Variants in FAM83B observed in about 807,000 individuals in gnomAD.
The protein encoded by FAM83B is protein FAM83B.
A neutral mutation model predicts 38.8 loss-of-function variants in FAM83B; 26 were observed. The ratio of observed to expected loss-of-function variants is 0.67; its 90% CI spans 0.49 to 0.93. FAM83B has a LOEUF of 0.93. Among genes scored for constraint, FAM83B ranks in the 40% least tolerant of loss-of-function variants. FAM83B has a pLI of 0.00. For synonymous variants in FAM83B, 419 were observed against 423.1 expected, an observed-to-expected ratio of 0.99 and a Z score of 0.12; for missense variants, 1,237 against 1,197.3, an observed-to-expected ratio of 1.03 and a Z score of -0.49.
chr6:54,917,446 C>T (rs949084565), intron 2 of FAM83B, among the ~76,000 whole-genome samples: 4 of 152,076 alleles, frequency 2.6e-5, no homozygotes, highest in Non-Finnish European at 4.4e-5. Flanking sequence ...TTCCCAATGT[C>T]TTCTTTACAT....
intron 2 of FAM83B, among the ~76,000 whole-genome samples, chr6:54,875,768 G>A (rs913046808): frequency 5.5e-5 from 8 of 145,190 alleles, no homozygotes; most frequent in African/African-American, 1.7e-4. Context: ...AAGAAGGTGG[G>A]AAAGAGACAG....
At chr6:54,938,738 G>C (rs554977893) in intron 4 of FAM83B, among the ~76,000 whole-genome samples, 2 of 152,090 alleles carry the variant, frequency 1.3e-5, no homozygotes, top group African/African-American at 4.8e-5. Context: ...TTGCTGATTT[G>C]AGTTCCTTGT....
intron 2 of FAM83B, among the ~76,000 whole-genome samples, chr6:54,875,222 G>A (rs1771962430): frequency 6.6e-6 from 1 of 152,126 alleles, no homozygotes; most frequent in South Asian, 2.1e-4. Context: ...ATTTTGATAT[G>A]TTATATTCCT....
chr6:54,908,298 T>G (rs1262712237), intron 2 of FAM83B, among the ~76,000 whole-genome samples: 1 of 152,098 alleles, frequency 6.6e-6, no homozygotes, highest in African/African-American at 2.4e-5. Flanking sequence ...CTAAGCAATT[T>G]CTTCCATGAG....
At chr6:54,929,281 GT>G (rs935731757) in intron 4 of FAM83B, among the ~76,000 whole-genome samples, 3 of 152,068 alleles carry the variant, frequency 2.0e-5, no homozygotes, top group African/African-American at 7.2e-5. Flanking sequence ...AACAGCCTTT[GT>G]CCCTCACATT....
At position 54,919,133 on chromosome 6, in the gene FAM83B, T is replaced by TA. The variant is rs201757570; in HGVS notation, c.445-7230dup. On this transcript the variant is annotated intron_variant, in intron 2 of 4. Transcript: ENST00000306858. ...AAGATTATTGAATTGTTGAAATCAG[T>TA]AAAAAAAACTATGGCTTTTCTTTGC... Among the ~76,000 whole-genome samples, 36 of 152,086 alleles carry TA rather than the reference T, an allele frequency of 2.4e-4. No homozygotes were observed. The East Asian group carries it at 4.4e-3, about 19-fold the overall frequency.
intron 2 of FAM83B, among the ~76,000 whole-genome samples, chr6:54,879,912 A>G (rs977109268): frequency 6.6e-6 from 1 of 152,192 alleles, no homozygotes; most frequent in Admixed American, 6.5e-5. Context: ...CAAGGGGAAA[A>G]TATATCTTCA....
intron 4 of FAM83B, among the ~76,000 whole-genome samples, chr6:54,935,973 A>ATAAGT: frequency 6.6e-6 from 1 of 152,240 alleles, no homozygotes; most frequent in Admixed American, 6.5e-5. Context: ...TATGAGTCAT[A>ATAAGT]CATGTGAGGC....
rs113368477 is a variant in FAM83B, at chr6:54,932,067, A to G, written c.734+4435A>G. ...CTTTTGTTGCCCAAGCTGGAGTCCA[A>G]TGACACAATCTCAGCTCATTGCAAC... On this transcript the variant is annotated intron_variant, in intron 4 of 4. Coordinates refer to ENST00000306858, the MANE Select transcript of FAM83B (RefSeq NM_001010872.3). Among the ~76,000 whole-genome samples the G allele has an allele frequency of 2.2e-3, 310 of 141,446 alleles. 3 individuals carry two copies. The highest frequency in any genetic ancestry group is 8.3e-3 in the African/African-American group (294 of 35,548). 92.8% of individuals were successfully genotyped at this position (141,446 alleles called of 152,430 possible).
At position 54,940,203 on chromosome 6, in the gene FAM83B, A is replaced by G; in HGVS notation, c.1232A>G (p.Asn411Ser). The G allele has an allele frequency of 6.2e-7, 1 of 1,614,094 alleles. No individual in the cohort carries two copies. The highest frequency in any genetic ancestry group is 8.5e-7 in the Non-Finnish European group (1 of 1,179,998). ...AATAGGGCTCTGAATAGAACCAATAATCCACCTGGTAATTGGAAAAAGCCA... is the reference window on the plus strand; with the variant it reads ...AATAGGGCTCTGAATAGAACCAATAGTCCACCTGGTAATTGGAAAAAGCCA... ...LLNRALNRTNNPPGNWKKPSD... is the reference protein window; with the variant it reads ...LLNRALNRTNSPPGNWKKPSD... The change falls in exon 5 of 5, where the codon AAT (asparagine) becomes AGT (serine). Residue 411 changes from asparagine (N) to serine (S), a missense_variant. Physicochemically the swap from Asn to Ser is conservative, Grantham distance 46. Coordinates refer to ENST00000306858, the MANE Select transcript of FAM83B (RefSeq NM_001010872.3).
chr6:54,853,350 G>C (rs1285338274), intron 1 of FAM83B, among the ~76,000 whole-genome samples: 1 of 152,144 alleles, frequency 6.6e-6, no homozygotes, highest in African/African-American at 2.4e-5. Context: ...CAGCCTTCTA[G>C]TGGAAGAAGA....
intron 2 of FAM83B, among the ~76,000 whole-genome samples, chr6:54,912,899 G>T (rs925805818): frequency 3.3e-5 from 5 of 151,978 alleles, no homozygotes; most frequent in South Asian, 2.1e-4. Flanking sequence ...TAGGTAGATA[G>T]AAATTGACTA....
chr6:54,885,737 C>G (rs239785), intron 2 of FAM83B, among the ~76,000 whole-genome samples: 1 of 149,122 alleles, frequency 6.7e-6, no homozygotes. Context: ...AAACACCGCA[C>G]GTTCTCACTC....
rs1304968179 is a variant in FAM83B, at chr6:54,926,533, A to G, written c.607A>G (p.Arg203Gly). The change falls in exon 3 of 5, where the codon AGG (arginine) becomes GGG (glycine). Residue 203 changes from arginine to glycine, a missense_variant and splice_region_variant. Transcript: ENST00000306858. Reference protein sequence around the residue: ...EKQGCSVQRLRNIRVRTVKGQ... With the variant: ...EKQGCSVQRLGNIRVRTVKGQ... Reference sequence around the variant, plus strand: ...ACAAGGTTGTTCAGTTCAGCGTCTCAGGGTAAGAATTCTGTTTTTTTTTTC... The same window carrying G: ...ACAAGGTTGTTCAGTTCAGCGTCTCGGGGTAAGAATTCTGTTTTTTTTTTC... The G allele has an allele frequency of 2.6e-6, 4 of 1,550,110 alleles. No individual in the cohort carries two copies. The highest frequency in any genetic ancestry group is 2.0e-5 in the Admixed American group (1 of 50,534).
At chr6:54,939,596 A>G (rs755574008) in intron 4 of FAM83B, 110 bp from the exon 5 acceptor site, 25 of 977,502 alleles carry the variant, frequency 2.6e-5, no homozygotes, top group Non-Finnish European at 3.4e-5. Context: ...AAATAATGAT[A>G]GCCAAAGAAA....
intron 2 of FAM83B, among the ~76,000 whole-genome samples, chr6:54,916,864 C>T (rs758163587): frequency 6.6e-5 from 10 of 152,132 alleles, no homozygotes; most frequent in Admixed American, 6.6e-4. Context: ...TGTTATGTTG[C>T]TATCTTTCAT....
intron 1 of FAM83B, among the ~76,000 whole-genome samples, chr6:54,863,694 T>C (rs1050327324): frequency 6.6e-6 from 1 of 152,228 alleles, no homozygotes; most frequent in African/African-American, 2.4e-5. Flanking sequence ...GTGAATGTAG[T>C]TAATTTTTGA....
At chr6:54,905,547 C>T (rs1772758462) in intron 2 of FAM83B, among the ~76,000 whole-genome samples, 1 of 152,048 alleles carries the variant, frequency 6.6e-6, no homozygotes, top group African/African-American at 2.4e-5. Context: ...GAATACAATA[C>T]ATTATTATGA....
At chr6:54,891,442 A>G (rs1561916077) in intron 2 of FAM83B, among the ~76,000 whole-genome samples, 1 of 152,134 alleles carries the variant, frequency 6.6e-6, no homozygotes, top group Non-Finnish European at 1.5e-5. Context: ...TTGAAAGTGA[A>G]TGTTTTAAAG....
Sources: allele counts gnomAD v4.1 joint callset (sites outside exome capture counted in the v4.1 genomes callset), GRCh38; gene constraint gnomAD v4.1.1; transcripts MANE v1.5; gene names NCBI Gene and HGNC (gene_info 2026-07-23, HGNC 2026-07-21).